Variants in EXOC4 observed in about 807,000 individuals in gnomAD.
EXOC4 encodes the protein exocyst complex component 4.
A neutral mutation model predicts 107.2 loss-of-function variants in EXOC4; 71 were observed. The observed-to-expected ratio is 0.66, with a 90% CI of 0.55 to 0.81. EXOC4 has a LOEUF of 0.81. EXOC4 is among the 30% of genes least tolerant of loss of function. EXOC4 has a pLI of 0.00. For missense variants in EXOC4, 1,108 were observed against 1,189.6 expected (o/e 0.93, Z 1.01); for synonymous variants, 456 against 441.2 (o/e 1.03, Z -0.42).
At chr7:133,877,662 C>T (rs1054371827) in intron 11 of EXOC4, among the ~76,000 whole-genome samples, 2 of 152,166 alleles carry the variant, frequency 1.3e-5, no homozygotes, top group Non-Finnish European at 2.9e-5. Context: ...TGAGGTAGTC[C>T]TCTCTGGCCT....
chr7:133,438,050 A>G (rs897400517), intron 7 of EXOC4, among the ~76,000 whole-genome samples: 9 of 152,124 alleles, frequency 5.9e-5, no homozygotes, highest in Non-Finnish European at 1.0e-4. Context: ...ACTCTTTTCT[A>G]TAAGTTTTAG....
chr7:133,492,389 GTGT>G, intron 9 of EXOC4, among the ~76,000 whole-genome samples: 1 of 152,166 alleles, frequency 6.6e-6, no homozygotes. Flanking sequence ...TTTTTATGGA[GTGT>G]TAGATAGGGG....
chr7:133,452,890 T>C (rs10488165), intron 7 of EXOC4, among the ~76,000 whole-genome samples: 46,948 of 151,958 alleles, frequency 0.31, 8,653 homozygotes, highest in East Asian at 0.5. Context: ...ATAGTCCATT[T>C]TGTATTTGTT....
chr7:133,932,783 C>T (rs1440760890), intron 13 of EXOC4, among the ~76,000 whole-genome samples: 3 of 152,116 alleles, frequency 2.0e-5, no homozygotes, highest in Non-Finnish European at 2.9e-5. Context: ...CTGACCTTTC[C>T]CCTGCTCTGT....
chr7:133,467,321 C>T (rs773108276), intron 7 of EXOC4, among the ~76,000 whole-genome samples: 4 of 150,322 alleles, frequency 2.7e-5, no homozygotes, highest in Non-Finnish European at 4.4e-5. Context: ...AATCTTATTG[C>T]CACTGCTTTA....
intron 7 of EXOC4, among the ~76,000 whole-genome samples, chr7:133,460,346 T>G (rs1394012885): frequency 6.6e-6 from 1 of 152,110 alleles, no homozygotes; most frequent in Non-Finnish European, 1.5e-5. Context: ...GGGCTGGTGC[T>G]GGTAACAGGC....
chr7:133,389,895 CAA>C (rs34692720), intron 7 of EXOC4, among the ~76,000 whole-genome samples: 23 of 129,598 alleles, frequency 1.8e-4, no homozygotes, highest in African/African-American at 3.7e-4. Flanking sequence ...GGCAGCAGGC[CAA>C]AAAAAAAAAA....
In EXOC4 at chr7:133,918,532, G is replaced by A. The variant is rs145604576; in HGVS notation, c.2027+794G>A. Among the ~76,000 whole-genome samples, 31 of 152,280 alleles carry A rather than the reference G, an allele frequency of 2.0e-4. No individual in the cohort carries two copies. The East Asian group carries it at 5.0e-3, about 25-fold the overall frequency. On this transcript the variant is annotated intron_variant, in intron 13 of 17. Coordinates refer to ENST00000253861, the MANE Select transcript of EXOC4 (RefSeq NM_021807.4). ...TCTGGAAAATACAAATGTGCTTCCT[G>A]TGTGTGTGTTCACATACATTGTATT... is the stretch of plus-strand genomic sequence containing the variant.
At chr7:133,650,543 A>G (rs927135388) in intron 10 of EXOC4, among the ~76,000 whole-genome samples, 3 of 152,290 alleles carry the variant, frequency 2.0e-5, no homozygotes, top group African/African-American at 7.2e-5. Context: ...ATGTCTGTAT[A>G]TTATTATACA....
At chr7:133,935,248 CAA>C (rs1195444189) in intron 13 of EXOC4, among the ~76,000 whole-genome samples, 1 of 152,034 alleles carries the variant, frequency 6.6e-6, no homozygotes. Context: ...AGAGAGAAGG[CAA>C]AAGAGTCTCT....
At chr7:133,415,075 T>C (rs931321625) in intron 7 of EXOC4, among the ~76,000 whole-genome samples, 3 of 152,152 alleles carry the variant, frequency 2.0e-5, no homozygotes, top group African/African-American at 4.8e-5. Flanking sequence ...TTAGATAATG[T>C]TTTTGAGGTT....
At chr7:134,041,460 GA>G (rs1464003972) in intron 17 of EXOC4, among the ~76,000 whole-genome samples, 1 of 152,134 alleles carries the variant, frequency 6.6e-6, no homozygotes, top group Non-Finnish European at 1.5e-5. Flanking sequence ...ATATTTAAGA[GA>G]TTTTTCCAAT....
At chr7:133,811,856 A>G (rs988901480) in intron 10 of EXOC4, among the ~76,000 whole-genome samples, 1 of 152,232 alleles carries the variant, frequency 6.6e-6, no homozygotes, top group Admixed American at 6.5e-5. Flanking sequence ...CAGATAGATT[A>G]TGTCCTAGTT....
chr7:133,420,103 A>T lies in EXOC4; in HGVS notation c.1182+45101A>T, dbSNP rs1278633988. 5.6e-5 allele frequency among the ~76,000 whole-genome samples: 8 copies of T among 142,024 alleles called. 1 individual carries two copies. The highest frequency in any genetic ancestry group is 5.6e-4 in the Admixed American group (8 of 14,334). The allele number at this position is 142,024 out of a possible 152,430, so 93.2% of individuals were successfully genotyped here. A position where few individuals can be genotyped will look rare whatever the true frequency, so the allele number is the denominator to read the frequency against. On this transcript the variant is annotated intron_variant, in intron 7 of 17. Coordinates refer to ENST00000253861, the MANE Select transcript of EXOC4 (RefSeq NM_021807.4). ...TCATCTAGCATTAGGTATATCTCCT[A>T]ATGCTATCCCTCCCCCCTCCCCCCA...
intron 5 of EXOC4, among the ~76,000 whole-genome samples, chr7:133,330,291 C>A (rs1795351289): frequency 6.6e-6 from 1 of 152,106 alleles, no homozygotes; most frequent in African/African-American, 2.4e-5. Context: ...TCAAGTGTCC[C>A]AGGTCAATCT....
chr7:133,597,409 C>T (rs2150983792), intron 9 of EXOC4, among the ~76,000 whole-genome samples: 1 of 152,162 alleles, frequency 6.6e-6, no homozygotes, highest in South Asian at 2.1e-4. Flanking sequence ...ACAAAATAAG[C>T]CAGGCATGGT....
intron 17 of EXOC4, among the ~76,000 whole-genome samples, chr7:134,047,654 C>T (rs1795687928): frequency 6.6e-6 from 1 of 152,180 alleles, no homozygotes; most frequent in Non-Finnish European, 1.5e-5. Context: ...AGCTTTTGAA[C>T]TGGATGAACT....
intron 1 of EXOC4, among the ~76,000 whole-genome samples, chr7:133,255,191 T>C (rs79519813): frequency 0.038 from 5,834 of 151,616 alleles, 349 homozygotes; most frequent in African/African-American, 0.12. Flanking sequence ...CTTTTCTTTT[T>C]TTTTGAGACA....
chr7:133,425,567 G>A (rs1285365257), intron 7 of EXOC4, among the ~76,000 whole-genome samples: 2 of 152,108 alleles, frequency 1.3e-5, no homozygotes, highest in Non-Finnish European at 2.9e-5. Flanking sequence ...GATTACAGGC[G>A]TGAGCCACCA....
Sources: gnomAD v4.1 joint callset for allele counts (sites outside exome capture counted in the v4.1 genomes callset) on GRCh38, gnomAD v4.1.1 for gene constraint, MANE v1.5 for transcripts, NCBI Gene and HGNC (gene_info 2026-07-23, HGNC 2026-07-21) for gene names.